The following KIAA1217 variants were observed in gnomAD, a reference collection of about 807,000 sequenced individuals.
The protein encoded by KIAA1217 is KIAA1217, also known as sickle tail protein homolog.
A neutral mutation model predicts 163.9 loss-of-function variants in KIAA1217; 88 were observed. The ratio of observed to expected loss-of-function variants is 0.54; its 90% confidence interval spans 0.45 to 0.64. The LOEUF is 0.64. KIAA1217 is among the 30% of genes least tolerant of loss of function. The probability of loss-of-function intolerance (pLI) is 0.00; values close to 1 mark genes in which losing one functional copy is unlikely to be tolerated. For missense variants in KIAA1217, 2,372 were observed against 2,475.0 expected (o/e 0.96, Z 0.88); for synonymous variants, 903 against 923.1 (o/e 0.98, Z 0.39).
intron 1 of KIAA1217, among the ~76,000 whole-genome samples, chr10:23,924,827 A>T (rs992416746): frequency 6.6e-5 from 10 of 152,206 alleles, no homozygotes; most frequent in African/African-American, 2.4e-4. Flanking sequence ...GCAGGAAGAC[A>T]TTACTGAAAT....
chr10:24,531,223 A>G (rs950259379), intron 14 of KIAA1217, among the ~76,000 whole-genome samples: 2 of 152,038 alleles, frequency 1.3e-5, no homozygotes, highest in African/African-American at 4.8e-5. Flanking sequence ...AAAATTAAAA[A>G]ATTTGTTTAA....
chr10:24,061,524 T>A (rs1421911971), intron 2 of KIAA1217, among the ~76,000 whole-genome samples: 1 of 152,218 alleles, frequency 6.6e-6, no homozygotes, highest in African/African-American at 2.4e-5. Flanking sequence ...CTGTTTAGTG[T>A]CCTTTGTTAT....
intron 1 of KIAA1217, among the ~76,000 whole-genome samples, chr10:23,790,528 T>TGTGC (rs1835833102): frequency 8.8e-6 from 1 of 113,872 alleles, no homozygotes; most frequent in African/African-American, 4.2e-5. Flanking sequence ...TATATACATA[T>TGTGC]ATACATATAC....
chr10:24,116,336 GA>G (rs2063053394), intron 2 of KIAA1217, among the ~76,000 whole-genome samples: 1 of 152,134 alleles, frequency 6.6e-6, no homozygotes, highest in Non-Finnish European at 1.5e-5. Context: ...TACAGAGGAG[GA>G]GTCTGAAAAC....
At chr10:24,360,008 C>G (rs1370616848) in intron 2 of KIAA1217, among the ~76,000 whole-genome samples, 2 of 145,576 alleles carry the variant, frequency 1.4e-5, no homozygotes, top group Non-Finnish European at 3.0e-5. Flanking sequence ...CCCCCAGTTA[C>G]TGACAGACTG....
At chr10:23,718,760 T>A (rs950820806) in intron 1 of KIAA1217, among the ~76,000 whole-genome samples, 3 of 150,854 alleles carry the variant, frequency 2.0e-5, no homozygotes, top group Non-Finnish European at 2.9e-5. Context: ...TTTATTTAGA[T>A]GAAATACCTA....
At chr10:24,402,069 C>T (rs992449421) in intron 3 of KIAA1217, among the ~76,000 whole-genome samples, 1 of 152,158 alleles carries the variant, frequency 6.6e-6, no homozygotes, top group Non-Finnish European at 1.5e-5. Context: ...ACTGAAGAGA[C>T]TATTTTCATA....
At chr10:23,875,090 C>T (rs1345803360) in intron 1 of KIAA1217, among the ~76,000 whole-genome samples, 1 of 152,048 alleles carries the variant, frequency 6.6e-6, no homozygotes, top group Non-Finnish European at 1.5e-5. Flanking sequence ...AGAACTCACT[C>T]ATTACTGCAA....
intron 1 of KIAA1217, among the ~76,000 whole-genome samples, chr10:23,820,669 A>AGCC (rs1430957457): frequency 1.3e-5 from 2 of 152,186 alleles, no homozygotes; most frequent in African/African-American, 4.8e-5. Context: ...CAGGCTGTGG[A>AGCC]TGATCAGCAG....
At chr10:23,923,359 G>A (rs956624820) in intron 1 of KIAA1217, among the ~76,000 whole-genome samples, 16 of 152,130 alleles carry the variant, frequency 1.1e-4, no homozygotes, top group African/African-American at 2.9e-4. Flanking sequence ...TCTGTGCTCC[G>A]AATGGTGAGA....
intron 2 of KIAA1217, among the ~76,000 whole-genome samples, chr10:24,183,262 C>T (rs2066266156): frequency 6.6e-6 from 1 of 152,134 alleles, no homozygotes; most frequent in Non-Finnish European, 1.5e-5. Flanking sequence ...TATAAATTAC[C>T]CAGTTTCAGG....
intron 2 of KIAA1217, among the ~76,000 whole-genome samples, chr10:24,174,227 A>C (rs1031355871): frequency 6.6e-6 from 1 of 152,220 alleles, no homozygotes; most frequent in African/African-American, 2.4e-5. Context: ...AGTATGACTC[A>C]GAGACCACAA....
chr10:24,289,697 T>C (rs1008360366), intron 2 of KIAA1217, among the ~76,000 whole-genome samples: 4 of 151,958 alleles, frequency 2.6e-5, no homozygotes, highest in African/African-American at 9.7e-5. Flanking sequence ...TGAGAAGGAT[T>C]GTCACTAGGG....
At chr10:23,939,967 TTAAATA>T (rs1843687704) in intron 1 of KIAA1217, among the ~76,000 whole-genome samples, 1 of 150,376 alleles carries the variant, frequency 6.6e-6, no homozygotes, top group Admixed American at 6.6e-5. Flanking sequence ...ATAAACTATA[TTAAATA>T]TAAACTGTGT....
At chr10:24,258,825 C>T (rs1468466565) in intron 2 of KIAA1217, among the ~76,000 whole-genome samples, 1 of 152,044 alleles carries the variant, frequency 6.6e-6, no homozygotes, top group Admixed American at 6.6e-5. Flanking sequence ...GATCTCCTGA[C>T]CTCGTGATCC....
intron 1 of KIAA1217, among the ~76,000 whole-genome samples, chr10:23,945,986 C>G (rs182058777): frequency 6.6e-6 from 1 of 152,240 alleles, no homozygotes; most frequent in African/African-American, 2.4e-5. Context: ...AGAGCTTACT[C>G]TAGTGGTTAC....
At position 24,303,195 on chromosome 10, in the gene KIAA1217, T is replaced by C. The variant is rs144126256; in HGVS notation, c.355-77674T>C. Among the ~76,000 whole-genome samples, 216 of 152,140 alleles carry C rather than the reference T, an allele frequency of 1.4e-3. 2 individuals carry two copies. Among genetic ancestry groups the C allele is most frequent in the African/African-American group, 5.0e-3 (209 of 41,494 alleles). ...AGCCCAGTTAATTTTTAAATTTTTTTTTTAGAGACAGGATCTTGCTGTGAT... is the reference window on the plus strand; with the variant it reads ...AGCCCAGTTAATTTTTAAATTTTTTCTTTAGAGACAGGATCTTGCTGTGAT... On this transcript the variant is annotated intron_variant, in intron 2 of 20. Transcript: ENST00000376454.
intron 1 of KIAA1217, among the ~76,000 whole-genome samples, chr10:24,004,436 G>A (rs1322070222): frequency 6.6e-6 from 1 of 152,020 alleles, no homozygotes; most frequent in Non-Finnish European, 1.5e-5. Context: ...GCCATTTTTA[G>A]TAGTATAACT....
chr10:23,696,298 T>G (rs1411589279), intron 1 of KIAA1217, among the ~76,000 whole-genome samples: 1 of 152,230 alleles, frequency 6.6e-6, no homozygotes, highest in Non-Finnish European at 1.5e-5. Context: ...TGCTCTCACC[T>G]GGGGAGGGTT....
Sources: gnomAD v4.1 joint callset for allele counts (sites outside exome capture counted in the v4.1 genomes callset) on GRCh38, gnomAD v4.1.1 for gene constraint, MANE v1.5 for transcripts, NCBI Gene and HGNC (gene_info 2026-07-23, HGNC 2026-07-21) for gene names.